ANKRD30B: variants seen among roughly 807,000 people sequenced by gnomAD.
ANKRD30B encodes the protein ankyrin repeat domain-containing protein 30B.
A neutral mutation model predicts 202.2 loss-of-function variants in ANKRD30B; 144 were observed. That is an observed-to-expected ratio of 0.71 (90% CI 0.62 to 0.82). ANKRD30B has a LOEUF of 0.82. ANKRD30B is among the 40% of genes least tolerant of loss of function. The pLI is 0.00. For synonymous variants in ANKRD30B, 508 were observed against 561.3 expected (o/e 0.91, Z 1.34); for missense variants, 1,487 against 1,669.1 (o/e 0.89, Z 1.90).
chr18:14,766,624 G>A (rs1342736919), intron 7 of ANKRD30B, among the ~76,000 whole-genome samples: 2 of 151,994 alleles, frequency 1.3e-5, no homozygotes, highest in Non-Finnish European at 2.9e-5. Flanking sequence ...TTTTCTGTAG[G>A]TAATTGGTTT....
the ANKRD30B span, among the ~76,000 whole-genome samples, chr18:14,884,414 A>C: frequency 9.9e-5 from 15 of 152,150 alleles, no homozygotes; most frequent in African/African-American, 3.1e-4. Context: ...GTCCAGGCTC[A>C]TGAGCCACAT....
At chr18:14,834,017 G>A (rs2487246) in intron 34 of ANKRD30B, among the ~76,000 whole-genome samples, 5 of 152,036 alleles carry the variant, frequency 3.3e-5, no homozygotes, top group South Asian at 2.1e-4. Context: ...ATTGCCCCCC[G>A]CATGATTTAT....
At chr18:14,759,570 A>G (rs1914926079) in intron 5 of ANKRD30B, among the ~76,000 whole-genome samples, 1 of 152,206 alleles carries the variant, frequency 6.6e-6, no homozygotes. Context: ...CTGGAAATGA[A>G]CATCGTGACT....
At chr18:14,888,220 T>C in the ANKRD30B span, among the ~76,000 whole-genome samples, 1 of 152,104 alleles carries the variant, frequency 6.6e-6, no homozygotes. Flanking sequence ...CTAGAAAGCA[T>C]TTAAAATGCT....
the ANKRD30B span, among the ~76,000 whole-genome samples, chr18:14,864,484 C>G: frequency 1.3e-5 from 2 of 152,104 alleles, no homozygotes; most frequent in African/African-American, 2.4e-5. Context: ...CTCTCACCAC[C>G]CTTTTTCTTC....
chr18:14,794,632 T>C (rs1434865041), intron 16 of ANKRD30B, among the ~76,000 whole-genome samples: 3 of 152,236 alleles, frequency 2.0e-5, no homozygotes, highest in Non-Finnish European at 4.4e-5. Flanking sequence ...GATCTTCTCA[T>C]CGTAATTAAA....
chr18:14,790,922 G>C (rs1241920479), intron 15 of ANKRD30B, among the ~76,000 whole-genome samples: 1 of 152,094 alleles, frequency 6.6e-6, no homozygotes, highest in Non-Finnish European at 1.5e-5. Flanking sequence ...AGTTAGGGAG[G>C]ATTCCCTCTT....
intron 14 of ANKRD30B, among the ~76,000 whole-genome samples, chr18:14,786,150 G>A (rs920003142): frequency 2.7e-5 from 4 of 150,178 alleles, no homozygotes; most frequent in East Asian, 2.0e-4. Flanking sequence ...AGTTGTGCAC[G>A]TTTGCTTTTT....
At chr18:14,886,084 A>G in the ANKRD30B span, among the ~76,000 whole-genome samples, 98 of 152,086 alleles carry the variant, frequency 6.4e-4, 1 homozygote, top group African/African-American at 2.1e-3. Flanking sequence ...TAGATTAGTC[A>G]TTCTGTATGA....
chr18:14,803,477 T>C, intron 23 of ANKRD30B: 1 of 383,674 alleles, frequency 2.6e-6, no homozygotes, highest in Non-Finnish European at 5.1e-6. Context: ...GTGAATTCTT[T>C]CGTGAGTGTG....
chr18:14,776,498 G>A (rs1967359759), intron 9 of ANKRD30B, among the ~76,000 whole-genome samples: 1 of 152,142 alleles, frequency 6.6e-6, no homozygotes, highest in Admixed American at 6.6e-5. Flanking sequence ...TGAAAGTCTA[G>A]GAGGAAGACA....
intron 12 of ANKRD30B, 80 bp downstream of exon 12, chr18:14,782,694 CA>C: frequency 1.2e-6 from 1 of 840,326 alleles, no homozygotes; most frequent in Non-Finnish European, 1.8e-6. Flanking sequence ...CTCTAATAGC[CA>C]AATAAAATTA....
At chr18:14,833,539 A>G (rs1971044858) in intron 34 of ANKRD30B, among the ~76,000 whole-genome samples, 1 of 152,196 alleles carries the variant, frequency 6.6e-6, no homozygotes. Flanking sequence ...TACTTTCTTC[A>G]GGTGAAAAGT....
the ANKRD30B span, among the ~76,000 whole-genome samples, chr18:14,899,099 G>C: frequency 6.6e-6 from 1 of 151,916 alleles, no homozygotes; most frequent in African/African-American, 2.4e-5. Context: ...CATTATTTTA[G>C]AGTTTGAATA....
chr18:14,916,209 C>T, the ANKRD30B span, among the ~76,000 whole-genome samples: 1 of 152,180 alleles, frequency 6.6e-6, no homozygotes, highest in Non-Finnish European at 1.5e-5. Flanking sequence ...AGGAGGCCAC[C>T]AACAGTTCTG....
the ANKRD30B span, among the ~76,000 whole-genome samples, chr18:14,939,702 A>T: frequency 6.6e-6 from 1 of 152,212 alleles, no homozygotes; most frequent in South Asian, 2.1e-4. Flanking sequence ...TTCCACTGGG[A>T]AGCAGCTGTC....
the ANKRD30B span, among the ~76,000 whole-genome samples, chr18:14,931,031 G>T: frequency 6.6e-6 from 1 of 152,202 alleles, no homozygotes; most frequent in African/African-American, 2.4e-5. Context: ...CCAGCAATCA[G>T]CATTTACAGA....
chr18:14,810,818 A>G (rs1489549446), intron 28 of ANKRD30B, among the ~76,000 whole-genome samples: 2 of 151,154 alleles, frequency 1.3e-5, no homozygotes, highest in Non-Finnish European at 2.9e-5. Context: ...GCATGTTTAA[A>G]TCATGTTACA....
the ANKRD30B span, among the ~76,000 whole-genome samples, chr18:14,869,838 CTTAT>C: frequency 6.6e-6 from 1 of 152,034 alleles, no homozygotes; most frequent in South Asian, 2.1e-4. Flanking sequence ...GCTTTCCCAT[CTTAT>C]TTATTTTCTA....
Sources: allele counts gnomAD v4.1 joint callset (sites outside exome capture counted in the v4.1 genomes callset), GRCh38; gene constraint gnomAD v4.1.1; transcripts MANE v1.5; gene names NCBI Gene and HGNC (gene_info 2026-07-23, HGNC 2026-07-21).